RANBP2: variants seen among roughly 807,000 people sequenced by gnomAD.
The protein encoded by RANBP2 is RAN binding protein 2, also known as E3 SUMO-protein ligase RanBP2.
A neutral mutation model predicts 303.6 loss-of-function variants in RANBP2; 57 were observed. The ratio of observed to expected loss-of-function variants is 0.19; its 90% CI spans 0.15 to 0.23. The LOEUF (loss-of-function observed/expected upper bound fraction) is 0.23, where lower values mean the gene tolerates loss of function less well. Among genes scored for constraint, RANBP2 ranks in the 10% least tolerant of loss-of-function variants. The pLI is 1.00. For synonymous variants in RANBP2, 1,167 were observed against 1,301.5 expected, an observed-to-expected ratio of 0.90 and a Z score of 2.23; for missense variants, 3,138 against 3,780.8, an observed-to-expected ratio of 0.83 and a Z score of 4.46.
At chr2:109,176,419 T>G in the RANBP2 span, among the ~76,000 whole-genome samples, 1 of 152,166 alleles carries the variant, frequency 6.6e-6, no homozygotes, top group African/African-American at 2.4e-5. Flanking sequence ...GCCCAATAGT[T>G]GCTCACAATT....
chr2:109,727,610 G>A, the RANBP2 span, among the ~76,000 whole-genome samples: 2 of 152,150 alleles, frequency 1.3e-5, no homozygotes, highest in African/African-American at 4.8e-5. Context: ...GGAGGCTCAG[G>A]TCCAGCGAGT....
the RANBP2 span, among the ~76,000 whole-genome samples, chr2:108,997,385 G>A: frequency 1.6e-5 from 2 of 124,224 alleles, no homozygotes; most frequent in African/African-American, 6.1e-5. Context: ...AGCCTGCAGT[G>A]AGCTGACATT....
chr2:109,646,657 A>ATTTTTTTT, the RANBP2 span, among the ~76,000 whole-genome samples: 31 of 119,010 alleles, frequency 2.6e-4, no homozygotes, highest in East Asian at 5.0e-4. Context: ...ATGACTGGCT[A>ATTTTTTTT]TTTTTTTTTT....
chr2:109,615,509 G>A, the RANBP2 span: 2 of 1,613,856 alleles, frequency 1.2e-6, no homozygotes, highest in Non-Finnish European at 1.7e-6. Flanking sequence ...GGACGAGCGG[G>A]GGTTACACCG....
the RANBP2 span, among the ~76,000 whole-genome samples, chr2:109,595,406 T>C: frequency 6.6e-6 from 1 of 152,138 alleles, no homozygotes; most frequent in Non-Finnish European, 1.5e-5. Context: ...TAACTACACA[T>C]ATACTTCACT....
the RANBP2 span, among the ~76,000 whole-genome samples, chr2:109,254,043 T>C: frequency 6.6e-6 from 1 of 152,034 alleles, no homozygotes; most frequent in Non-Finnish European, 1.5e-5. Flanking sequence ...ATCACATTTA[T>C]CCTAGATTTG....
chr2:109,398,033 G>A, the RANBP2 span, among the ~76,000 whole-genome samples: 3 of 152,224 alleles, frequency 2.0e-5, no homozygotes, highest in African/African-American at 7.2e-5. Context: ...GACAGCCTGA[G>A]TGGAGGCGGT....
the RANBP2 span, among the ~76,000 whole-genome samples, chr2:109,538,425 C>T: frequency 6.6e-6 from 1 of 152,220 alleles, no homozygotes; most frequent in African/African-American, 2.4e-5. Flanking sequence ...ATTCGCCGAC[C>T]ACAGGGAGAG....
intron 25 of RANBP2, among the ~76,000 whole-genome samples, chr2:108,780,703 C>A (rs1323010173): frequency 6.6e-6 from 1 of 150,398 alleles, no homozygotes; most frequent in Non-Finnish European, 1.5e-5. Flanking sequence ...CTTTTCTTTT[C>A]TTTCTTTCTT....
At chr2:108,822,637 A>G in the RANBP2 span, among the ~76,000 whole-genome samples, 2 of 152,214 alleles carry the variant, frequency 1.3e-5, no homozygotes, top group Non-Finnish European at 2.9e-5. Flanking sequence ...CCTCAAACCA[A>G]GGAAGGATAA....
chr2:109,500,436 G>A, the RANBP2 span, among the ~76,000 whole-genome samples: 2 of 152,126 alleles, frequency 1.3e-5, no homozygotes, highest in African/African-American at 2.4e-5. Flanking sequence ...GCCATGCAGG[G>A]AAGACCCCAG....
the RANBP2 span, among the ~76,000 whole-genome samples, chr2:109,166,855 C>G: frequency 1.3e-5 from 2 of 152,292 alleles, no homozygotes; most frequent in East Asian, 3.9e-4. Flanking sequence ...ATGATTTTAA[C>G]AAGATTTTTA....
the RANBP2 span, among the ~76,000 whole-genome samples, chr2:109,025,328 A>T: frequency 6.6e-6 from 1 of 151,966 alleles, no homozygotes; most frequent in African/African-American, 2.4e-5. Context: ...ATCTGTTTTG[A>T]GCATTTGTTT....
the RANBP2 span, among the ~76,000 whole-genome samples, chr2:109,406,468 T>G: frequency 6.6e-6 from 1 of 152,074 alleles, no homozygotes; most frequent in Non-Finnish European, 1.5e-5. Flanking sequence ...CACCAAGCTG[T>G]GAATGCTTGC....
At chr2:109,391,908 C>G in the RANBP2 span, among the ~76,000 whole-genome samples, 1 of 151,874 alleles carries the variant, frequency 6.6e-6, no homozygotes, top group Non-Finnish European at 1.5e-5. Flanking sequence ...GGCGTGACCT[C>G]TCAGGCTCAA....
At chr2:108,962,647 C>A in the RANBP2 span, among the ~76,000 whole-genome samples, 1 of 140,224 alleles carries the variant, frequency 7.1e-6, no homozygotes, top group African/African-American at 2.8e-5. Flanking sequence ...TGCCCTCCAG[C>A]CTGGGCGACA....
At chr2:109,453,819 G>C in the RANBP2 span, among the ~76,000 whole-genome samples, 8 of 152,314 alleles carry the variant, frequency 5.3e-5, no homozygotes, top group East Asian at 1.5e-3. Context: ...AAAGGCGCCT[G>C]GTCAGCCCAG....
chr2:108,854,075 A>AAT, the RANBP2 span, among the ~76,000 whole-genome samples: 1 of 123,910 alleles, frequency 8.1e-6, no homozygotes, highest in Non-Finnish European at 1.6e-5. Flanking sequence ...TTTTATATAT[A>AAT]ATATAATAAA....
At chr2:109,573,401 T>C in the RANBP2 span, among the ~76,000 whole-genome samples, 3 of 152,366 alleles carry the variant, frequency 2.0e-5, no homozygotes, top group South Asian at 6.2e-4. Flanking sequence ...CAAATATGAA[T>C]TTCCATATAA....
Sources: gnomAD v4.1 joint callset for allele counts (sites outside exome capture counted in the v4.1 genomes callset) on GRCh38, gnomAD v4.1.1 for gene constraint, MANE v1.5 for transcripts, NCBI Gene and HGNC (gene_info 2026-07-23, HGNC 2026-07-21) for gene names.